PIK3C2G: variants seen among roughly 807,000 people sequenced by gnomAD.
PIK3C2G encodes the protein phosphatidylinositol-4-phosphate 3-kinase catalytic subunit type 2 gamma.
Under a neutral mutation model 181.1 loss-of-function variants are expected in PIK3C2G, and 168 were observed. The observed-to-expected ratio is 0.93, with a 90% CI of 0.82 to 1.05. PIK3C2G has a LOEUF of 1.05. PIK3C2G is among the 50% of genes least tolerant of loss of function. The pLI is 0.00. For synonymous variants in PIK3C2G, 573 were observed against 592.2 expected (o/e 0.97, Z 0.47); for missense variants, 1,869 against 1,732.8 (o/e 1.08, Z -1.40).
intron 11 of PIK3C2G, among the ~76,000 whole-genome samples, chr12:18,356,626 A>T (rs1048836191): frequency 6.6e-6 from 1 of 152,056 alleles, no homozygotes; most frequent in East Asian, 1.9e-4. Context: ...AAGATGGTAA[A>T]TGTGGGGGAT....
At chr12:18,467,316 A>G (rs1230196524) in intron 18 of PIK3C2G, among the ~76,000 whole-genome samples, 3 of 152,028 alleles carry the variant, frequency 2.0e-5, no homozygotes, top group Admixed American at 6.6e-5. Context: ...TATTCTGGAA[A>G]GAAACCCAAC....
At chr12:18,387,696 T>C (rs934333951) in intron 14 of PIK3C2G, among the ~76,000 whole-genome samples, 1 of 152,208 alleles carries the variant, frequency 6.6e-6, no homozygotes, top group African/African-American at 2.4e-5. Context: ...ATAGCATTTT[T>C]ATCAACACAT....
chr12:18,321,545 G>A (rs1205296499), intron 7 of PIK3C2G, among the ~76,000 whole-genome samples: 7 of 152,248 alleles, frequency 4.6e-5, no homozygotes, highest in East Asian at 3.9e-4. Flanking sequence ...GACTTATTGC[G>A]TAGCTAAACT....
chr12:18,586,260 C>A (rs1009617198), intron 29 of PIK3C2G, among the ~76,000 whole-genome samples: 7 of 151,810 alleles, frequency 4.6e-5, no homozygotes, highest in Admixed American at 2.0e-4. Flanking sequence ...ACACAAAAAA[C>A]CTCAAAGAAT....
intron 24 of PIK3C2G, among the ~76,000 whole-genome samples, chr12:18,527,293 G>A (rs1017704460): frequency 6.6e-6 from 1 of 152,122 alleles, no homozygotes; most frequent in African/African-American, 2.4e-5. Flanking sequence ...CATAAGCTTA[G>A]TATAAGAACT....
chr12:18,426,041 C>T (rs540195365), intron 18 of PIK3C2G, among the ~76,000 whole-genome samples: 28 of 152,108 alleles, frequency 1.8e-4, no homozygotes, highest in Middle Eastern at 3.2e-3. Flanking sequence ...ATCACTACAA[C>T]CTTGAATTTA....
At chr12:18,720,342 A>G in the PIK3C2G span, among the ~76,000 whole-genome samples, 1 of 151,796 alleles carries the variant, frequency 6.6e-6, no homozygotes, top group Admixed American at 6.6e-5. Flanking sequence ...AATGTCTTTT[A>G]GTGCAAATAT....
At chr12:18,402,334 A>T (rs1469022216) in intron 16 of PIK3C2G, among the ~76,000 whole-genome samples, 1 of 152,142 alleles carries the variant, frequency 6.6e-6, no homozygotes, top group African/African-American at 2.4e-5. Context: ...AAAGCTCTAC[A>T]GACAGAAAGT....
At chr12:18,504,768 A>T (rs1269366765) in intron 23 of PIK3C2G, among the ~76,000 whole-genome samples, 2 of 152,254 alleles carry the variant, frequency 1.3e-5, no homozygotes, top group Admixed American at 1.3e-4. Context: ...TATGTACTAT[A>T]CCAAACAGCT....
upstream of PIK3C2G, among the ~76,000 whole-genome samples, chr12:18,261,319 C>A (rs10770343): frequency 0.75 from 114,403 of 152,060 alleles, 43,421 homozygotes; most frequent in East Asian, 0.92. Flanking sequence ...CAGAGAAGCT[C>A]ATTTATGGTT....
At chr12:18,354,726 A>G (rs1940560409) in intron 11 of PIK3C2G, among the ~76,000 whole-genome samples, 1 of 152,210 alleles carries the variant, frequency 6.6e-6, no homozygotes, top group Non-Finnish European at 1.5e-5. Context: ...AAGCAGTCGC[A>G]GTCATTCAGG....
chr12:18,389,780 G>A (rs7313411), intron 14 of PIK3C2G, among the ~76,000 whole-genome samples: 35,819 of 151,972 alleles, frequency 0.24, 4,487 homozygotes, highest in Admixed American at 0.35. Flanking sequence ...TATCAGAAAT[G>A]AAAATTGTTT....
chr12:18,583,045 G>A (rs1360948266), intron 29 of PIK3C2G, among the ~76,000 whole-genome samples: 1 of 152,090 alleles, frequency 6.6e-6, no homozygotes, highest in African/African-American at 2.4e-5. Flanking sequence ...GCAGTCCCGT[G>A]GCACAGCACA....
chr12:18,371,162 T>C lies in PIK3C2G; in HGVS notation c.1749-18T>C, dbSNP rs1313798593. 2 of 1,590,736 alleles carry C rather than the reference T, an allele frequency of 1.3e-6. No homozygotes were observed. Among genetic ancestry groups the C allele is most frequent in the Non-Finnish European group, 1.7e-6 (2 of 1,165,510 alleles). Reference sequence around the variant, plus strand: ...GTACAATTGGGTAGGTAATGCTTCTTCTTTCTTTTATTCTCAGGATCAATT... The same window carrying C: ...GTACAATTGGGTAGGTAATGCTTCTCCTTTCTTTTATTCTCAGGATCAATT... On this transcript the variant is annotated intron_variant, in intron 12 of 32. Transcript: ENST00000538779.
intron 13 of PIK3C2G, among the ~76,000 whole-genome samples, chr12:18,379,707 T>C (rs918589683): frequency 6.6e-6 from 1 of 152,180 alleles, no homozygotes; most frequent in Non-Finnish European, 1.5e-5. Flanking sequence ...CTGCAGCTCA[T>C]GACTGGGGCT....
chr12:18,694,970 A>T, the PIK3C2G span: 1 of 1,607,678 alleles, frequency 6.2e-7, no homozygotes. Flanking sequence ...AGTATGATTT[A>T]CTCTCTCTTA....
At chr12:18,245,161 A>C (rs1262388895), upstream of PIK3C2G, among the ~76,000 whole-genome samples, 1 of 152,002 alleles carries the variant, frequency 6.6e-6, no homozygotes, top group Non-Finnish European at 1.5e-5. Flanking sequence ...AAATAGGAAA[A>C]CTCGTAATAA....
At position 18,420,967 on chromosome 12, in the gene PIK3C2G, T is replaced by C. The variant is rs369837747; in HGVS notation, c.2342T>C (p.Val781Ala). 6 of 1,600,644 alleles carry C rather than the reference T, an allele frequency of 3.7e-6. No homozygotes were observed. The highest frequency in any genetic ancestry group is 1.3e-5 in the African/African-American group (1 of 74,610). The change falls in exon 17 of 33, where the codon GTG (valine) becomes GCG (alanine). Residue 781 changes from valine (V) to alanine (A), a missense_variant. Val to Ala is a moderately conservative substitution (Grantham distance 64). Transcript: ENST00000538779. ...SSFPDQEIRK[V>A]AVQQLDNLLN... is the part of the protein sequence containing the mutation. Reference sequence around the variant, plus strand: ...TTTCCAGATCAAGAAATTCGTAAAGTGGCAGTTCAACAATTAGACAACCTC... The same window carrying C: ...TTTCCAGATCAAGAAATTCGTAAAGCGGCAGTTCAACAATTAGACAACCTC...
intron 1 of PIK3C2G, among the ~76,000 whole-genome samples, chr12:18,275,209 A>G (rs1440543979): frequency 6.6e-6 from 1 of 152,146 alleles, no homozygotes; most frequent in Non-Finnish European, 1.5e-5. Flanking sequence ...TGTTGCTGCC[A>G]AAAAGTCTGT....
Sources: allele counts gnomAD v4.1 joint callset (sites outside exome capture counted in the v4.1 genomes callset), GRCh38; gene constraint gnomAD v4.1.1; transcripts MANE v1.5; gene names NCBI Gene and HGNC (gene_info 2026-07-23, HGNC 2026-07-21).